The following GUCY1A2 variants were observed in gnomAD, a reference collection of about 807,000 sequenced individuals.
The protein encoded by GUCY1A2 is guanylate cyclase soluble subunit alpha-2.
Under a neutral mutation model 63.5 loss-of-function variants are expected in GUCY1A2, and 27 were observed. The ratio of observed to expected loss-of-function variants is 0.43; its 90% confidence interval spans 0.31 to 0.59. The LOEUF (loss-of-function observed/expected upper bound fraction) is 0.59, where lower values mean the gene tolerates loss of function less well. Ranked by LOEUF, GUCY1A2 falls within the 20% of genes least tolerant of loss-of-function variation. The pLI is 0.11. For synonymous variants in GUCY1A2, 364 were observed against 343.5 expected (o/e 1.06, Z -0.66); for missense variants, 768 against 913.3 (o/e 0.84, Z 2.05).
intron 4 of GUCY1A2, among the ~76,000 whole-genome samples, chr11:106,907,758 G>A (rs996151116): frequency 2.6e-5 from 4 of 152,076 alleles, no homozygotes; most frequent in Non-Finnish European, 5.9e-5. Context: ...TGGCTGCATA[G>A]TATTCCATGG....
At chr11:106,825,066 T>C in intron 4 of GUCY1A2, 2 of 706,104 alleles carry the variant, frequency 2.8e-6, no homozygotes, top group Non-Finnish European at 4.6e-6. Flanking sequence ...ATTTTATATG[T>C]ATGGATCTAT....
chr11:106,784,169 T>A (rs1209912753), intron 5 of GUCY1A2, among the ~76,000 whole-genome samples: 1 of 152,200 alleles, frequency 6.6e-6, no homozygotes, highest in East Asian at 1.9e-4. Context: ...CCACCTCCGC[T>A]GCTTTCCTCC....
chr11:106,751,521 G>C (rs1369306467), intron 6 of GUCY1A2, among the ~76,000 whole-genome samples: 1 of 150,810 alleles, frequency 6.6e-6, no homozygotes, highest in Non-Finnish European at 1.5e-5. Context: ...CAATGTGTCT[G>C]AGTAGTACTG....
At chr11:106,945,020 A>G (rs1860807088) in intron 3 of GUCY1A2, among the ~76,000 whole-genome samples, 1 of 152,138 alleles carries the variant, frequency 6.6e-6, no homozygotes, top group Admixed American at 6.5e-5. Flanking sequence ...AACTAAATGA[A>G]TTACAGAGAG....
intron 6 of GUCY1A2, among the ~76,000 whole-genome samples, chr11:106,714,409 C>A (rs1214360901): frequency 2.0e-5 from 3 of 152,180 alleles, no homozygotes; most frequent in Non-Finnish European, 4.4e-5. Context: ...AGACTGTTTT[C>A]TTTTGCATTT....
At chr11:106,894,012 T>C (rs901274914) in intron 4 of GUCY1A2, among the ~76,000 whole-genome samples, 1 of 152,184 alleles carries the variant, frequency 6.6e-6, no homozygotes, top group African/African-American at 2.4e-5. Flanking sequence ...CCAGATCATT[T>C]TGTACTTCTC....
intron 3 of GUCY1A2, among the ~76,000 whole-genome samples, chr11:106,948,372 G>A (rs75193514): frequency 0.022 from 3,385 of 152,068 alleles, 62 homozygotes; most frequent in Non-Finnish European, 0.034. Flanking sequence ...GAAATGAAAC[G>A]GTAGTTCAGC....
chr11:106,941,707 A>G (rs984911851), intron 3 of GUCY1A2, among the ~76,000 whole-genome samples: 5 of 152,322 alleles, frequency 3.3e-5, no homozygotes, highest in African/African-American at 9.6e-5. Flanking sequence ...AACAGAGTGA[A>G]TAATATTGTT....
chr11:106,972,519 A>C (rs902260549), intron 3 of GUCY1A2, among the ~76,000 whole-genome samples: 5 of 152,122 alleles, frequency 3.3e-5, no homozygotes, highest in African/African-American at 7.2e-5. Context: ...TGCTAGTGAT[A>C]GCGAAACAAT....
chr11:106,866,157 T>C (rs911154201), intron 4 of GUCY1A2, among the ~76,000 whole-genome samples: 1 of 152,038 alleles, frequency 6.6e-6, no homozygotes, highest in Non-Finnish European at 1.5e-5. Context: ...CTTCTGGCTC[T>C]GGCAGTAATG....
rs529778060 is a variant in GUCY1A2, at chr11:106,742,383, C to T, written c.1837-33717G>A. Among the ~76,000 whole-genome samples the T allele has an allele frequency of 2.6e-5, 4 of 152,254 alleles. No individual in the cohort carries two copies. In the East Asian group the frequency reaches 5.8e-4, roughly 22 times the overall value. ...GGGCCCCACTGTGGGTTGTTCCCCTCATGTGTCCATGTGTTCTCATCATTC... is the reference window on the plus strand; with the variant it reads ...GGGCCCCACTGTGGGTTGTTCCCCTTATGTGTCCATGTGTTCTCATCATTC... On this transcript the variant is annotated intron_variant, in intron 6 of 7. Transcript: ENST00000526355.
At chr11:106,965,190 T>C (rs1403941572) in intron 3 of GUCY1A2, among the ~76,000 whole-genome samples, 1 of 152,030 alleles carries the variant, frequency 6.6e-6, no homozygotes, top group Non-Finnish European at 1.5e-5. Flanking sequence ...GGTACTCCTT[T>C]CCTGTAGTTT....
chr11:106,766,444 TAA>T (rs1211645281), intron 6 of GUCY1A2, among the ~76,000 whole-genome samples: 3 of 152,090 alleles, frequency 2.0e-5, no homozygotes, highest in Non-Finnish European at 2.9e-5. Flanking sequence ...TGTTTGCATA[TAA>T]AAAGACTTTA....
At chr11:106,987,026 T>C (rs1267655149) in intron 1 of GUCY1A2, among the ~76,000 whole-genome samples, 2 of 152,114 alleles carry the variant, frequency 1.3e-5, no homozygotes, top group African/African-American at 4.8e-5. Context: ...ACCTAGATGT[T>C]ATTAGGAAGT....
At chr11:106,753,338 G>C (rs1863916395) in intron 6 of GUCY1A2, among the ~76,000 whole-genome samples, 1 of 152,170 alleles carries the variant, frequency 6.6e-6, no homozygotes, top group Non-Finnish European at 1.5e-5. Context: ...TCTGCTGATA[G>C]TTTCTTTTGC....
chr11:106,852,709 T>C (rs922110591), intron 4 of GUCY1A2, among the ~76,000 whole-genome samples: 6 of 152,272 alleles, frequency 3.9e-5, no homozygotes, highest in Admixed American at 3.3e-4. Flanking sequence ...TTTGGTTTGC[T>C]AGATTTTGTT....
chr11:106,711,797 C>A (rs1467776945), intron 6 of GUCY1A2, among the ~76,000 whole-genome samples: 1 of 152,102 alleles, frequency 6.6e-6, no homozygotes, highest in African/African-American at 2.4e-5. Context: ...GTGAAAGATA[C>A]TTTCACTGCA....
rs567148483 is a variant in GUCY1A2, at chr11:106,709,551, A to C, written c.1837-885T>G. 5.3e-3 allele frequency among the ~76,000 whole-genome samples: 313 copies of C among 58,968 alleles called. 17 individuals are homozygous for C. The highest frequency in any genetic ancestry group is 0.04 in the East Asian group (135 of 3,360). The allele number at this position is 58,968 out of a possible 152,430, so 38.7% of individuals were successfully genotyped here. ...TAATAATATAATATATTATATTATT[A>C]TATAAATATGTTATATACGTGTATA... On this transcript the variant is annotated intron_variant, in intron 6 of 7. Coordinates refer to ENST00000526355, the MANE Select transcript of GUCY1A2 (RefSeq NM_000855.3).
intron 6 of GUCY1A2, among the ~76,000 whole-genome samples, chr11:106,724,319 A>C (rs1213157464): frequency 1.3e-5 from 2 of 152,264 alleles, no homozygotes; most frequent in Admixed American, 1.3e-4. Flanking sequence ...CTCAAGTTAA[A>C]AGGAAGAAGA....
Sources: gnomAD v4.1 joint callset for allele counts (sites outside exome capture counted in the v4.1 genomes callset) on GRCh38, gnomAD v4.1.1 for gene constraint, MANE v1.5 for transcripts, NCBI Gene and HGNC (gene_info 2026-07-23, HGNC 2026-07-21) for gene names.